The following FOXP2 variants were observed in gnomAD, a reference collection of about 807,000 sequenced individuals.
FOXP2 encodes forkhead box protein P2.
In FOXP2, 12 loss-of-function variants were observed where a neutral mutation model predicts 115.8. The observed-to-expected ratio is 0.10, with a 90% CI of 0.07 to 0.17. FOXP2 has a LOEUF of 0.17. Among genes scored for constraint, FOXP2 ranks in the 10% least tolerant of loss-of-function variants. FOXP2 has a pLI of 1.00. For synonymous variants in FOXP2, 328 were observed against 297.7 expected (o/e 1.10, Z -1.05); for missense variants, 629 against 843.5 (o/e 0.75, Z 3.15).
At chr7:114,153,879 A>T (rs760212252) in intron 1 of FOXP2, among the ~76,000 whole-genome samples, 1 of 152,168 alleles carries the variant, frequency 6.6e-6, no homozygotes, top group Non-Finnish European at 1.5e-5. Flanking sequence ...AAAGCTTAAG[A>T]AGCCATTGTG....
At chr7:114,282,798 C>A (rs967439989) in intron 1 of FOXP2, among the ~76,000 whole-genome samples, 1 of 152,108 alleles carries the variant, frequency 6.6e-6, no homozygotes, top group African/African-American at 2.4e-5. Flanking sequence ...GCAGAAGTAG[C>A]TTTTAAACAT....
At chr7:114,350,024 A>G (rs1293880773) in intron 2 of FOXP2, among the ~76,000 whole-genome samples, 1 of 152,196 alleles carries the variant, frequency 6.6e-6, no homozygotes, top group Non-Finnish European at 1.5e-5. Flanking sequence ...CTAAAGATCT[A>G]TGTAGCACTA....
intron 1 of FOXP2, among the ~76,000 whole-genome samples, chr7:114,152,854 T>C (rs1420953643): frequency 2.0e-5 from 3 of 152,132 alleles, no homozygotes; most frequent in African/African-American, 2.4e-5. Context: ...ATACACTGCG[T>C]ACCTCAGTTT....
At chr7:114,341,015 G>C (rs1791188734) in intron 2 of FOXP2, among the ~76,000 whole-genome samples, 1 of 151,110 alleles carries the variant, frequency 6.6e-6, no homozygotes, top group Admixed American at 6.6e-5. Flanking sequence ...AAAATATTCT[G>C]ATGACTGAGA....
At chr7:114,680,676 C>CGGAGA (rs1808039544) in intron 16 of FOXP2, among the ~76,000 whole-genome samples, 3 of 150,604 alleles carry the variant, frequency 2.0e-5, no homozygotes, top group Admixed American at 1.3e-4. Context: ...CCCGGGAAGG[C>CGGAGA]GGAGGTTGCA....
intron 2 of FOXP2, among the ~76,000 whole-genome samples, chr7:114,457,862 T>C (rs1021907456): frequency 6.1e-5 from 9 of 146,816 alleles, no homozygotes; most frequent in South Asian, 4.3e-4. Context: ...CGTGCCACTG[T>C]ACTCCAGCTG....
At chr7:114,194,901 G>T (rs1420968278) in intron 1 of FOXP2, among the ~76,000 whole-genome samples, 5 of 152,094 alleles carry the variant, frequency 3.3e-5, no homozygotes, top group African/African-American at 1.2e-4. Flanking sequence ...AGATTATAAT[G>T]AAATTGTTAT....
chr7:114,113,525 G>A (rs934175221), intron 1 of FOXP2, among the ~76,000 whole-genome samples: 15 of 152,226 alleles, frequency 9.9e-5, no homozygotes, highest in African/African-American at 3.6e-4. Flanking sequence ...GGGACTACAG[G>A]TGTGTGCTAC....
intron 2 of FOXP2, among the ~76,000 whole-genome samples, chr7:114,329,644 TTTTATTTA>T (rs138684494): frequency 1.4e-3 from 200 of 147,544 alleles, no homozygotes; most frequent in Middle Eastern, 0.01. Context: ...ACTATGTAAG[TTTTATTTA>T]TTTATTTATT....
intron 2 of FOXP2, among the ~76,000 whole-genome samples, chr7:114,296,838 T>A (rs1202925928): frequency 6.6e-6 from 1 of 152,218 alleles, no homozygotes; most frequent in East Asian, 1.9e-4. Flanking sequence ...CTGAACTTGC[T>A]GATTAAAGGC....
At chr7:114,568,754 A>G (rs993602308) in intron 3 of FOXP2, among the ~76,000 whole-genome samples, 1 of 151,900 alleles carries the variant, frequency 6.6e-6, no homozygotes, top group African/African-American at 2.4e-5. Context: ...TTAAGGGATC[A>G]GTAGCATTAA....
intron 3 of FOXP2, among the ~76,000 whole-genome samples, chr7:114,560,291 G>T (rs916631602): frequency 6.6e-5 from 10 of 152,048 alleles, no homozygotes; most frequent in Admixed American, 6.5e-4. Flanking sequence ...ATATTTTAGG[G>T]ATGGAAGAAT....
At chr7:114,297,310 C>T in intron 2 of FOXP2, 1 of 569,756 alleles carries the variant, frequency 1.8e-6, no homozygotes, top group East Asian at 4.1e-5. Context: ...ATGTCCCACG[C>T]AAACTTGGTG....
intron 16 of FOXP2, chr7:114,669,336 T>C (rs1333524384): frequency 6.6e-6 from 1 of 152,076 alleles, no homozygotes; most frequent in African/African-American, 2.4e-5. Flanking sequence ...TGAAACTTCT[T>C]TGACTGTTTT....
chr7:114,143,147 C>CAGT (rs1792268053), intron 1 of FOXP2, among the ~76,000 whole-genome samples: 1 of 139,552 alleles, frequency 7.2e-6, no homozygotes, highest in African/African-American at 2.7e-5. Context: ...GACCCTGTCT[C>CAGT]AATAATAATA....
intron 3 of FOXP2, among the ~76,000 whole-genome samples, chr7:114,555,274 T>G (rs1800400974): frequency 6.6e-6 from 1 of 152,154 alleles, no homozygotes; most frequent in African/African-American, 2.4e-5. Flanking sequence ...TAGCTGGTAG[T>G]TTGAGCTGGA....
At chr7:114,526,991 A>ATTTTTT (rs200748852) in intron 2 of FOXP2, among the ~76,000 whole-genome samples, 1 of 128,842 alleles carries the variant, frequency 7.8e-6, no homozygotes, top group Non-Finnish European at 1.6e-5. Flanking sequence ...CCACTAATCT[A>ATTTTTT]TTTTTTTTTT....
chr7:114,399,782 G>A (rs989956380), intron 2 of FOXP2, among the ~76,000 whole-genome samples: 1 of 151,324 alleles, frequency 6.6e-6, no homozygotes, highest in African/African-American at 2.4e-5. Context: ...ACAAAAAACA[G>A]ACCAGTATAA....
intron 2 of FOXP2, among the ~76,000 whole-genome samples, chr7:114,462,123 A>T (rs2129225087): frequency 6.6e-6 from 1 of 151,662 alleles, no homozygotes; most frequent in East Asian, 2.0e-4. Flanking sequence ...TCTACTAAAA[A>T]TACAAAAATT....
Sources: allele counts gnomAD v4.1 joint callset (sites outside exome capture counted in the v4.1 genomes callset), GRCh38; gene constraint gnomAD v4.1.1; transcripts MANE v1.5; gene names NCBI Gene and HGNC (gene_info 2026-07-23, HGNC 2026-07-21).